Variants in SUPT3H observed in about 807,000 individuals in gnomAD.
SUPT3H encodes SPT3 homolog, SAGA and STAGA complex component, also known as transcription initiation protein SPT3 homolog.
A neutral mutation model predicts 44.3 loss-of-function variants in SUPT3H; 44 were observed. That is an observed-to-expected ratio of 0.99 (90% CI 0.78 to 1.28). SUPT3H has a LOEUF of 1.28. Among genes scored for constraint, SUPT3H ranks in the 50% most tolerant of loss-of-function variants. The pLI is 0.00. For synonymous variants in SUPT3H, 124 were observed against 125.6 expected, an observed-to-expected ratio of 0.99 and a Z score of 0.09; for missense variants, 380 against 387.1, an observed-to-expected ratio of 0.98 and a Z score of 0.15.
intron 2 of SUPT3H, among the ~76,000 whole-genome samples, chr6:45,317,535 C>A (rs1259540638): frequency 2.6e-5 from 4 of 152,060 alleles, no homozygotes; most frequent in Admixed American, 1.3e-4. Flanking sequence ...GAAGTAAATC[C>A]ATACATTTAC....
chr6:45,312,493 C>T (rs1333866804), intron 2 of SUPT3H, among the ~76,000 whole-genome samples: 3 of 137,688 alleles, frequency 2.2e-5, no homozygotes, highest in Non-Finnish European at 4.6e-5. Flanking sequence ...CCAGCCTGGA[C>T]GACAGAGTGA....
At chr6:44,835,270 A>C (rs1769617204) in intron 10 of SUPT3H, among the ~76,000 whole-genome samples, 1 of 152,208 alleles carries the variant, frequency 6.6e-6, no homozygotes. Context: ...AAGCAGTAAA[A>C]GGGACGATAA....
chr6:44,903,384 C>T (rs989033051), intron 10 of SUPT3H, among the ~76,000 whole-genome samples: 65 of 152,270 alleles, frequency 4.3e-4, no homozygotes, highest in African/African-American at 1.4e-3. Context: ...AAACTACCAT[C>T]AGAGAATACT....
chr6:45,022,609 T>C (rs1207579967), intron 3 of SUPT3H, among the ~76,000 whole-genome samples: 1 of 152,040 alleles, frequency 6.6e-6, no homozygotes, highest in African/African-American at 2.4e-5. Flanking sequence ...CTTGTCTGCC[T>C]TGGACCTCTG....
chr6:45,172,497 T>C (rs1240427015), intron 2 of SUPT3H, among the ~76,000 whole-genome samples: 2 of 151,782 alleles, frequency 1.3e-5, no homozygotes, highest in African/African-American at 2.4e-5. Context: ...TATGATTAAA[T>C]AGGAACACAG....
intron 3 of SUPT3H, among the ~76,000 whole-genome samples, chr6:45,068,329 G>T (rs1431173009): frequency 1.8e-5 from 2 of 108,738 alleles, no homozygotes; most frequent in East Asian, 6.6e-4. Context: ...GGGGGGAGGG[G>T]GGAGGGATAG....
intron 2 of SUPT3H, among the ~76,000 whole-genome samples, chr6:45,136,978 A>G (rs979709483): frequency 1.3e-5 from 2 of 152,166 alleles, no homozygotes; most frequent in African/African-American, 4.8e-5. Flanking sequence ...GACTCATGCC[A>G]AAAGAGAGAT....
chr6:45,335,828 T>A (rs1055951609), intron 2 of SUPT3H, among the ~76,000 whole-genome samples: 5 of 151,322 alleles, frequency 3.3e-5, no homozygotes, highest in Non-Finnish European at 7.4e-5. Context: ...TAAGATTAAT[T>A]TTTTTACCTC....
chr6:45,066,165 T>A (rs1363442521), intron 3 of SUPT3H, among the ~76,000 whole-genome samples: 1 of 145,756 alleles, frequency 6.9e-6, no homozygotes, highest in East Asian at 2.0e-4. Context: ...TATACGCAAA[T>A]CAATAAATGT....
chr6:45,283,540 C>A (rs1217873432), intron 2 of SUPT3H, among the ~76,000 whole-genome samples: 2 of 152,060 alleles, frequency 1.3e-5, no homozygotes, highest in East Asian at 1.9e-4. Context: ...AGCTAACTAT[C>A]CTAAATACAT....
chr6:44,940,512 T>G (rs563905267), intron 9 of SUPT3H, among the ~76,000 whole-genome samples: 4 of 152,226 alleles, frequency 2.6e-5, no homozygotes, highest in Admixed American at 2.6e-4. Flanking sequence ...ATTCTGCAGT[T>G]GTTGGGTAGA....
At chr6:45,249,412 T>C (rs1365187283) in intron 2 of SUPT3H, among the ~76,000 whole-genome samples, 2 of 151,930 alleles carry the variant, frequency 1.3e-5, no homozygotes, top group Non-Finnish European at 2.9e-5. Context: ...GTCTTTTTAT[T>C]TTAGTAAAAA....
At chr6:44,908,221 A>C (rs1476938713) in intron 10 of SUPT3H, among the ~76,000 whole-genome samples, 1 of 145,500 alleles carries the variant, frequency 6.9e-6, no homozygotes, top group Non-Finnish European at 1.5e-5. Context: ...GAGCTATCTG[A>C]GCTCACTGCA....
chr6:44,938,088 C>T (rs577311094), intron 9 of SUPT3H, among the ~76,000 whole-genome samples: 73 of 151,206 alleles, frequency 4.8e-4, no homozygotes, highest in African/African-American at 1.7e-3. Flanking sequence ...AATTAAGTCC[C>T]ATTGTCTATT....
rs147688507 is a variant in SUPT3H at position 45,171,754 on chromosome 6, G to A, written c.102-65748C>T. ...TTTTTTTTTGACAGACTCTTGCTCT[G>A]TCACCCAGGCTGGAGTGCAGTGGTG... On this transcript the variant is annotated intron_variant, in intron 2 of 10. Transcript: ENST00000371459. Among the ~76,000 whole-genome samples the A allele has an allele frequency of 9.9e-4, 101 of 102,412 alleles. 1 individual carries two copies. Among genetic ancestry groups the A allele is most frequent in the African/African-American group, 3.8e-3 (98 of 25,850 alleles). The allele number at this position is 102,412 out of a possible 152,430, so 67.2% of individuals were successfully genotyped here. A position where few individuals can be genotyped will look rare whatever the true frequency, so the allele number is the denominator to read the frequency against.
At chr6:44,893,191 AT>A (rs1330715383) in intron 10 of SUPT3H, among the ~76,000 whole-genome samples, 1 of 152,168 alleles carries the variant, frequency 6.6e-6, no homozygotes, top group African/African-American at 2.4e-5. Flanking sequence ...CCTATTTATA[AT>A]ATATAAAGGC....
intron 6 of SUPT3H, among the ~76,000 whole-genome samples, chr6:44,972,882 C>A (rs1777790059): frequency 6.6e-6 from 1 of 152,218 alleles, no homozygotes; most frequent in African/African-American, 2.4e-5. Context: ...CAGCAAGGCC[C>A]TGGGCCTGAC....
At chr6:45,281,849 G>C (rs892358263) in intron 2 of SUPT3H, among the ~76,000 whole-genome samples, 5 of 152,152 alleles carry the variant, frequency 3.3e-5, no homozygotes, top group African/African-American at 1.2e-4. Flanking sequence ...AGTAGGGGCA[G>C]ACTGACACCT....
intron 2 of SUPT3H, among the ~76,000 whole-genome samples, chr6:45,157,417 A>G (rs2153599214): frequency 1.3e-5 from 2 of 152,084 alleles, no homozygotes; most frequent in South Asian, 4.2e-4. Flanking sequence ...AGACTCACCT[A>G]CAGATTTGAA....
Sources: gnomAD v4.1 joint callset for allele counts (sites outside exome capture counted in the v4.1 genomes callset) on GRCh38, gnomAD v4.1.1 for gene constraint, MANE v1.5 for transcripts, NCBI Gene and HGNC (gene_info 2026-07-23, HGNC 2026-07-21) for gene names.